NEK10: variants seen among roughly 807,000 people sequenced by gnomAD.
NEK10 encodes the protein NIMA related kinase 10, also known as serine/threonine-protein kinase Nek10.
A neutral mutation model predicts 159.8 loss-of-function variants in NEK10; 122 were observed. That is an observed-to-expected ratio of 0.76 (90% CI 0.66 to 0.89). The LOEUF (loss-of-function observed/expected upper bound fraction) is 0.89, where lower values mean the gene tolerates loss of function less well. Among genes scored for constraint, NEK10 ranks in the 40% least tolerant of loss-of-function variants. The pLI, the probability that NEK10 is intolerant of heterozygous loss-of-function variation, is 0.00. For missense variants in NEK10, 1,342 were observed against 1,323.1 expected, an observed-to-expected ratio of 1.01 and a Z score of -0.22; for synonymous variants, 466 against 457.1, an observed-to-expected ratio of 1.02 and a Z score of -0.25.
In NEK10 at chr3:27,156,734, A is replaced by G. The variant is rs190840724; in HGVS notation, c.2869+5967T>C. On this transcript the variant is annotated intron_variant, in intron 30 of 35. Coordinates refer to ENST00000691995, the MANE Select transcript of NEK10 (RefSeq NM_001394966.1). ...GTAACTAGTACAATCACTATGGAAA[A>G]TAGTGTGGAGATTCCTTAAAGAACT... 4.0e-5 allele frequency among the ~76,000 whole-genome samples: 6 copies of G among 151,646 alleles called. No homozygotes were observed. In the East Asian group the frequency reaches 1.2e-3, roughly 30 times the overall value.
intron 22 of NEK10, among the ~76,000 whole-genome samples, chr3:27,259,836 T>A (rs1360645511): frequency 1.3e-5 from 2 of 152,166 alleles, no homozygotes; most frequent in Admixed American, 1.3e-4. Context: ...CAATATTGAT[T>A]CTTCCTACCC....
At chr3:27,167,427 T>C (rs986059265) in intron 29 of NEK10, among the ~76,000 whole-genome samples, 33 of 152,164 alleles carry the variant, frequency 2.2e-4, no homozygotes, top group Admixed American at 1.8e-3. Context: ...TGAATGAAGG[T>C]TCTTAAGATG....
chr3:27,322,365 T>A, intron 5 of NEK10, 104 bp from the exon 6 acceptor site: 1 of 688,586 alleles, frequency 1.5e-6, no homozygotes. Flanking sequence ...ACTAAGCACT[T>A]AGTTAATTTG....
chr3:27,284,942 A>T lies in NEK10; in HGVS notation c.1809T>A (p.Val603=). ...GCGGGGCTCCTTCTATCAGCTCCATAACTATGTACAACCTATCATCTATAT... is the reference window on the plus strand; with the variant it reads ...GCGGGGCTCCTTCTATCAGCTCCATTACTATGTACAACCTATCATCTATAT... ...TFLENDRLYI[V]MELIEGAPLG... is the part of the protein sequence containing the mutation. The change falls in exon 21 of 36, where the codon GTT becomes GTA. Residue 603 remains valine, a synonymous_variant. Coordinates refer to ENST00000691995, the MANE Select transcript of NEK10 (RefSeq NM_001394966.1). The T allele has an allele frequency of 6.2e-7, 1 of 1,603,394 alleles. No individual in the cohort carries two copies. Among genetic ancestry groups the T allele is most frequent in the African/African-American group, 1.3e-5 (1 of 74,448 alleles).
chr3:27,135,025 A>C (rs1480362753), intron 31 of NEK10, among the ~76,000 whole-genome samples: 1 of 152,226 alleles, frequency 6.6e-6, no homozygotes, highest in African/African-American at 2.4e-5. Context: ...ATTATGTAAC[A>C]TGCAAGAATA....
At chr3:27,297,398 G>A (rs934882726) in intron 13 of NEK10, among the ~76,000 whole-genome samples, 158 bp from the exon 14 acceptor site, 1 of 152,132 alleles carries the variant, frequency 6.6e-6, no homozygotes, top group African/African-American at 2.4e-5. Flanking sequence ...CACAGCTCTG[G>A]AAGAAAAGAA....
intron 23 of NEK10, among the ~76,000 whole-genome samples, chr3:27,228,388 T>C (rs530342747): frequency 3.3e-5 from 5 of 152,258 alleles, no homozygotes; most frequent in Admixed American, 6.5e-5. Context: ...TCTCCTGTTA[T>C]AGAGAAACTC....
At chr3:27,193,708 G>A (rs1270737391) in intron 25 of NEK10, among the ~76,000 whole-genome samples, 1 of 146,594 alleles carries the variant, frequency 6.8e-6, no homozygotes, top group African/African-American at 2.5e-5. Context: ...ATTTTTCCAG[G>A]CTCCATTAGG....
At chr3:27,213,113 C>T (rs1951166038) in intron 23 of NEK10, among the ~76,000 whole-genome samples, 2 of 152,328 alleles carry the variant, frequency 1.3e-5, no homozygotes, top group South Asian at 2.1e-4. Flanking sequence ...TGTAACAGGG[C>T]TCTTGAGCCC....
At chr3:27,329,829 A>G (rs1253595155) in intron 5 of NEK10, among the ~76,000 whole-genome samples, 1 of 151,508 alleles carries the variant, frequency 6.6e-6, no homozygotes. Flanking sequence ...TCCCACATCT[A>G]TCAAATGAGG....
At position 27,108,251 on chromosome 3, in the gene NEK10, C is replaced by G. The variant is rs1053214991; in HGVS notation, c.*3021G>C. On this transcript the variant is annotated 3_prime_UTR_variant, in exon 36 of 36. Coordinates refer to ENST00000691995, the MANE Select transcript of NEK10 (RefSeq NM_001394966.1). The stretch of plus-strand genomic sequence containing the variant: ...TCTGTAAACACTGCCTAATGCCATA[C>G]AAGTGTCCACAATAAACAAGCAGCA... Among the ~76,000 whole-genome samples the G allele has an allele frequency of 6.6e-6, 1 of 152,196 alleles. No homozygotes were observed. The highest frequency in any genetic ancestry group is 1.5e-5 in the Non-Finnish European group (1 of 68,042).
intron 23 of NEK10, among the ~76,000 whole-genome samples, chr3:27,220,740 G>A (rs113673583): frequency 0.012 from 1,749 of 151,914 alleles, 10 homozygotes; most frequent in South Asian, 0.021. Context: ...AAATAAGAAC[G>A]AAGGACTCAT....
rs1192924722 is a variant in NEK10 at position 27,295,823 on chromosome 3, C to T, written c.1231-133G>A. The T allele has an allele frequency of 6.0e-6, 7 of 1,167,880 alleles. No homozygotes were observed. The South Asian group carries it at 1.5e-4, about 25-fold the overall frequency. 72.3% of individuals were successfully genotyped at this position (1,167,880 alleles called of 1,614,324 possible). A position where few individuals can be genotyped will look rare whatever the true frequency, so the allele number is the denominator to read the frequency against. ...GTATAACTATGGACCTTGAAGTAAA[C>T]ATTACAGGACAATATTTAAAATGTC... On this transcript the variant is annotated intron_variant, in intron 14 of 35. Transcript: ENST00000691995.
In NEK10 at chr3:27,106,492, A is replaced by T. The variant is rs145283928; in HGVS notation, c.*4780T>A. Among the ~76,000 whole-genome samples, 604 of 152,342 alleles carry T rather than the reference A, an allele frequency of 4.0e-3. 5 individuals are homozygous for T. Among genetic ancestry groups the T allele is most frequent in the African/African-American group, 0.014 (580 of 41,580 alleles). On this transcript the variant is annotated 3_prime_UTR_variant, in exon 36 of 36. Coordinates refer to ENST00000691995, the MANE Select transcript of NEK10 (RefSeq NM_001394966.1). ...GGCAAACACACAGAATATGGAGGGC[A>T]ACAGTTTTAGCTAAAATTTAATAGC...
chr3:27,110,978 T>G lies in NEK10; in HGVS notation c.*294A>C. 3.6e-6 allele frequency: 1 copy of G among 279,696 alleles called. No homozygotes were observed. Among genetic ancestry groups the G allele is most frequent in the Non-Finnish European group, 6.6e-6 (1 of 151,078 alleles). 17.3% of individuals were successfully genotyped at this position (279,696 alleles called of 1,614,324 possible). On this transcript the variant is annotated 3_prime_UTR_variant, in exon 36 of 36. Coordinates refer to ENST00000691995, the MANE Select transcript of NEK10 (RefSeq NM_001394966.1). ...AAGAGAGTTTTTTTGTTGTTGTTTT[T>G]GGGTTTTCCCCCCACCCTCCAAAAG...
In NEK10 at chr3:27,119,934, T is replaced by C. The variant is rs1381482285; in HGVS notation, c.3082-66A>G. The C allele has an allele frequency of 1.4e-5, 17 of 1,211,538 alleles. No homozygotes were observed. In the East Asian group the frequency reaches 3.3e-4, roughly 23 times the overall value. 75.0% of individuals were successfully genotyped at this position (1,211,538 alleles called of 1,614,324 possible). ...AGAAGGAAATGGCAGGAGACCTCTG[T>C]GTGGGGTTTTTCATTTCCCTATGTC... On this transcript the variant is annotated intron_variant, in intron 32 of 35. Transcript: ENST00000691995.
intron 23 of NEK10, among the ~76,000 whole-genome samples, chr3:27,251,973 G>A (rs1349772764): frequency 6.6e-6 from 1 of 152,008 alleles, no homozygotes; most frequent in East Asian, 1.9e-4. Flanking sequence ...GTAAAAATCA[G>A]AAAAGTTCAA....
At chr3:27,163,775 T>C (rs1004571918) in intron 29 of NEK10, among the ~76,000 whole-genome samples, 5 of 152,244 alleles carry the variant, frequency 3.3e-5, no homozygotes, top group Admixed American at 3.3e-4. Flanking sequence ...GTACTAGGTA[T>C]AAGGCACATG....
intron 23 of NEK10, among the ~76,000 whole-genome samples, chr3:27,203,368 G>T (rs1009310275): frequency 6.6e-6 from 1 of 152,180 alleles, no homozygotes; most frequent in Non-Finnish European, 1.5e-5. Context: ...TGCGGGAAAT[G>T]ACAATATCTA....
Sources: gnomAD v4.1 joint callset for allele counts (sites outside exome capture counted in the v4.1 genomes callset) on GRCh38, gnomAD v4.1.1 for gene constraint, MANE v1.5 for transcripts, NCBI Gene and HGNC (gene_info 2026-07-23, HGNC 2026-07-21) for gene names.